HIF1A: variants seen among roughly 807,000 people sequenced by gnomAD.
HIF1A encodes hypoxia-inducible factor 1-alpha.
Under a neutral mutation model 92.7 loss-of-function variants are expected in HIF1A, and 24 were observed. That is an observed-to-expected ratio of 0.26 (90% CI 0.19 to 0.36). The LOEUF (loss-of-function observed/expected upper bound fraction) is 0.36. Ranked by LOEUF, HIF1A falls within the 10% of genes least tolerant of loss-of-function variation. The pLI is 1.00. For synonymous variants in HIF1A, 319 were observed against 338.7 expected (o/e 0.94, Z 0.64); for missense variants, 799 against 998.5 (o/e 0.80, Z 2.69).
rs978802724 is a variant in HIF1A, at chr14:61,695,526, G to A, written c.-279G>A. On this transcript the variant is annotated 5_prime_UTR_variant, in exon 1 of 15. Coordinates refer to ENST00000337138, the MANE Select transcript of HIF1A (RefSeq NM_001530.4). ...CCTCAGCTCCTCAGTGCACAGTGCT[G>A]CCTCGTCTGAGGGGACAGGAGGATC... 3.7e-6 allele frequency: 2 copies of A among 540,606 alleles called. No individual in the cohort carries two copies. The highest frequency in any genetic ancestry group is 6.5e-6 in the Non-Finnish European group (2 of 305,478). 33.5% of individuals were successfully genotyped at this position (540,606 alleles called of 1,614,324 possible).
Position 61,738,157 on chromosome 14 carries a change from C to G in HIF1A, c.1320C>G (p.Asn440Lys). ...ATGATGTAATGCTCCCCTCACCCAA[C>G]GAAAAATTACAGAATATAAATTTGG... ...LYNDVMLPSP[N>K]EKLQNINLAM... The change falls in exon 10 of 15, where the codon AAC becomes AAG. Residue 440 changes from asparagine to lysine, a missense_variant. This residue lies in a region of HIF1A where 516 missense variants were observed against 721.0 expected (regional missense o/e 0.72). Coordinates refer to ENST00000337138, the MANE Select transcript of HIF1A (RefSeq NM_001530.4). The G allele has an allele frequency of 6.2e-7, 1 of 1,613,950 alleles. No individual in the cohort carries two copies. The highest frequency in any genetic ancestry group is 8.5e-7 in the Non-Finnish European group (1 of 1,179,940).
chr14:61,746,362 G>C (rs887095140), intron 14 of HIF1A, among the ~76,000 whole-genome samples: 1 of 148,064 alleles, frequency 6.8e-6, no homozygotes, highest in African/African-American at 2.5e-5. Context: ...AATATTGATA[G>C]AAGCTGAAAT....
intron 12 of HIF1A, among the ~76,000 whole-genome samples, chr14:61,743,689 G>A (rs2044742002): frequency 6.6e-6 from 1 of 152,176 alleles, no homozygotes; most frequent in Non-Finnish European, 1.5e-5. Flanking sequence ...TTATGCATTT[G>A]GTTTGTGGGG....
chr14:61,723,730 A>AT (rs1193136907), intron 4 of HIF1A, among the ~76,000 whole-genome samples: 1 of 152,208 alleles, frequency 6.6e-6, no homozygotes, highest in East Asian at 1.9e-4. Flanking sequence ...AAATGGATGG[A>AT]TATTAGGAAG....
Position 61,741,166 on chromosome 14 carries a change from T to G in HIF1A, c.2071T>G (p.Leu691Val). ...EKSHPRSPNVLSVALSQRTTV... is the reference protein window; with the variant it reads ...EKSHPRSPNVVSVALSQRTTV... Reference sequence around the variant, plus strand: ...ATCTCATCCAAGAAGCCCTAACGTGTTATCTGTCGCTTTGAGTCAAAGGTA... The same window carrying G: ...ATCTCATCCAAGAAGCCCTAACGTGGTATCTGTCGCTTTGAGTCAAAGGTA... The change falls in exon 12 of 15, where the codon TTA becomes GTA. Residue 691 changes from leucine (L) to valine (V), a missense_variant. Leu to Val is a conservative substitution (Grantham distance 32). Coordinates refer to ENST00000337138, the MANE Select transcript of HIF1A (RefSeq NM_001530.4). The G allele has an allele frequency of 6.2e-7, 1 of 1,602,490 alleles. No homozygotes were observed. The highest frequency in any genetic ancestry group is 2.2e-5 in the East Asian group (1 of 44,816).
chr14:61,724,298 TACTGCC>T (rs2044471241), intron 4 of HIF1A, among the ~76,000 whole-genome samples: 1 of 149,000 alleles, frequency 6.7e-6, no homozygotes, highest in South Asian at 2.1e-4. Flanking sequence ...TGTGGATCTT[TACTGCC>T]ACTACCACAA....
chr14:61,745,811 C>T lies in HIF1A; in HGVS notation c.2323C>T (p.Pro775Ser), dbSNP rs368427470. ...GGAGCAAAAGACAATTATTTTAATA[C>T]CCTCTGGTTAGTTTATTCTTTTTGA... is the stretch of plus-strand genomic sequence containing the variant. ...GMEQKTIILI[P>S]SDLACRLLGQ... The change falls in exon 14 of 15, where the codon CCC becomes TCC. Residue 775 changes from proline (P) to serine (S), a missense_variant. This residue lies in a region of HIF1A where 283 missense variants were observed against 277.5 expected (regional missense o/e 1.02). Transcript: ENST00000337138. 2 of 1,606,958 alleles carry T rather than the reference C, an allele frequency of 1.2e-6. No homozygotes were observed. The highest frequency in any genetic ancestry group is 1.7e-5 in the Admixed American group (1 of 58,896).
At position 61,738,123 on chromosome 14, in the gene HIF1A, C is replaced by G. The variant is rs747531111; in HGVS notation, c.1286C>G (p.Pro429Arg). The stretch of plus-strand genomic sequence containing the variant: ...GATGACCAGCAACTTGAGGAAGTAC[C>G]ATTATATAATGATGTAATGCTCCCC... ...ETDDQQLEEV[P>R]LYNDVMLPSP... The change falls in exon 10 of 15, where the codon CCA becomes CGA. Residue 429 changes from proline (P) to arginine (R), a missense_variant. Pro to Arg is a moderately radical substitution (Grantham distance 103, BLOSUM62 -2). This residue lies in a region of HIF1A where 516 missense variants were observed against 721.0 expected (regional missense o/e 0.72). Coordinates refer to ENST00000337138, the MANE Select transcript of HIF1A (RefSeq NM_001530.4). The G allele has an allele frequency of 1.2e-6, 2 of 1,611,418 alleles. No homozygotes were observed. Among genetic ancestry groups the G allele is most frequent in the Non-Finnish European group, 8.5e-7 (1 of 1,178,774 alleles).
At chr14:61,736,808 A>C in intron 8 of HIF1A, 81 bp from the exon 9 acceptor site, 1 of 943,474 alleles carries the variant, frequency 1.1e-6, no homozygotes, top group Non-Finnish European at 1.6e-6. Flanking sequence ...AGAATTTTTT[A>C]AGAGACCATT....
At chr14:61,716,399 A>G (rs1351207534) in intron 1 of HIF1A, among the ~76,000 whole-genome samples, 1 of 152,228 alleles carries the variant, frequency 6.6e-6, no homozygotes, top group Non-Finnish European at 1.5e-5. Context: ...AAGGCCAGAA[A>G]GAGTTATTTC....
intron 14 of HIF1A, among the ~76,000 whole-genome samples, chr14:61,746,247 A>G (rs942445241): frequency 1.3e-5 from 2 of 148,700 alleles, no homozygotes; most frequent in African/African-American, 4.9e-5. Flanking sequence ...AAAAAAAAGT[A>G]CAGTTGTATT....
rs1263447176 is a variant in HIF1A, at chr14:61,736,975, C to G, written c.1115C>G (p.Thr372Ser). 3.1e-6 allele frequency: 5 copies of G among 1,613,738 alleles called. No homozygotes were observed. Among genetic ancestry groups the G allele is most frequent in the Non-Finnish European group, 1.7e-6 (2 of 1,179,708 alleles). The stretch of plus-strand genomic sequence containing the variant: ...GTTGAATCTTCAGATATGAAAATGA[C>G]TCAGCTATTCACCAAAGTTGAATCA... ...KPVESSDMKM[T>S]QLFTKVESED... Residue 372 changes from threonine (T) to serine (S), a missense_variant, in exon 9 of 15, where the codon ACT becomes AGT. Transcript: ENST00000337138.
chr14:61,743,520 T>C (rs1322662584), intron 12 of HIF1A, among the ~76,000 whole-genome samples: 1 of 152,246 alleles, frequency 6.6e-6, no homozygotes, highest in Non-Finnish European at 1.5e-5. Context: ...TGAGTTACAT[T>C]TCATAAAGAC....
chr14:61,720,327 C>A, intron 1 of HIF1A, 55 bp from the exon 2 acceptor site: 1 of 1,311,060 alleles, frequency 7.6e-7, no homozygotes. Flanking sequence ...CAAGTTAAGG[C>A]AAACTAACTT....
At chr14:61,737,852 C>A (rs965216946) in intron 9 of HIF1A, among the ~76,000 whole-genome samples, 3 of 152,008 alleles carry the variant, frequency 2.0e-5, no homozygotes, top group African/African-American at 7.3e-5. Flanking sequence ...CATGGTGAAA[C>A]CCCGTCTCTA....
chr14:61,741,917 C>T (rs781229531), intron 12 of HIF1A, among the ~76,000 whole-genome samples: 2 of 152,154 alleles, frequency 1.3e-5, no homozygotes, highest in Non-Finnish European at 2.9e-5. Flanking sequence ...TTTCCAATTG[C>T]ACATTCCAAA....
At chr14:61,725,451 G>A (rs2044492643) in intron 4 of HIF1A, among the ~76,000 whole-genome samples, 1 of 151,226 alleles carries the variant, frequency 6.6e-6, no homozygotes, top group Non-Finnish European at 1.5e-5. Context: ...GTCTCACTTT[G>A]TCACCCAGGC....
chr14:61,711,003 C>T (rs1370737701), intron 1 of HIF1A, among the ~76,000 whole-genome samples: 2 of 148,222 alleles, frequency 1.3e-5, no homozygotes, highest in African/African-American at 5.0e-5. Context: ...GCGGAGATCG[C>T]ACCACTGTAC....
chr14:61,700,072 A>G (rs1045230691), intron 1 of HIF1A, among the ~76,000 whole-genome samples: 13 of 152,142 alleles, frequency 8.5e-5, no homozygotes, highest in African/African-American at 2.9e-4. Flanking sequence ...TTTTAAAACA[A>G]AATTTAAAAT....
Sources: allele counts gnomAD v4.1 joint callset (sites outside exome capture counted in the v4.1 genomes callset), GRCh38; gene constraint gnomAD v4.1.1; regional missense constraint gnomAD v4.1.1; transcripts MANE v1.5; gene names NCBI Gene and HGNC (gene_info 2026-07-23, HGNC 2026-07-21).